Variants in BPI observed in about 807,000 individuals in gnomAD.
The protein encoded by BPI is bactericidal permeability-increasing protein.
A neutral mutation model predicts 57.6 loss-of-function variants in BPI; 48 were observed. The ratio of observed to expected loss-of-function variants is 0.83; its 90% CI spans 0.66 to 1.06. The LOEUF (loss-of-function observed/expected upper bound fraction) is 1.06, where lower values mean the gene tolerates loss of function less well. Ranked by LOEUF, BPI falls within the 50% of genes least tolerant of loss-of-function variation. The pLI is 0.00. For missense variants in BPI, 651 were observed against 609.7 expected, an observed-to-expected ratio of 1.07 and a Z score of -0.71; for synonymous variants, 237 against 238.2, an observed-to-expected ratio of 0.99 and a Z score of 0.05.
intron 6 of BPI, 62 bp from the exon 7 acceptor site, chr20:38,320,121 A>C (rs2122527464): frequency 7.3e-7 from 1 of 1,363,348 alleles, no homozygotes; most frequent in East Asian, 2.3e-5. Flanking sequence ...CTGATCCTGC[A>C]TTTCAGCTTC....
At chr20:38,335,382 C>T in intron 13 of BPI, 1 of 589,564 alleles carries the variant, frequency 1.7e-6, no homozygotes. Context: ...GGAGTCCACG[C>T]AGGTGCTAGA....
intron 11 of BPI, among the ~76,000 whole-genome samples, chr20:38,330,613 C>T (rs2076737492): frequency 6.6e-6 from 1 of 152,232 alleles, no homozygotes; most frequent in Admixed American, 6.5e-5. Flanking sequence ...TTGCTATCCT[C>T]TGTGCTGGCT....
chr20:38,307,583 G>A lies in BPI; in HGVS notation c.147G>A (p.Thr49=), dbSNP rs371134845. The A allele has an allele frequency of 1.3e-5, 21 of 1,604,862 alleles. No homozygotes were observed. The East Asian group carries it at 2.3e-4, about 17-fold the overall frequency. Reference sequence around the variant, plus strand: ...TCCCTTCAGCCAGCCAGCAGGGGACGGCCGCTCTGCAGAAGGAGCTGAAGA... The same window carrying A: ...TCCCTTCAGCCAGCCAGCAGGGGACAGCCGCTCTGCAGAAGGAGCTGAAGA... ...KGLDYASQQG[T]AALQKELKRI... is the part of the protein sequence containing the mutation. Residue 49 remains threonine, a synonymous_variant, in exon 2 of 15, where the codon ACG becomes ACA. Coordinates refer to ENST00000642449, the MANE Select transcript of BPI (RefSeq NM_001725.3).
In BPI at chr20:38,324,830, T is replaced by C. The variant is rs576163371; in HGVS notation, c.990T>C (p.Pro330=). The C allele has an allele frequency of 1.1e-4, 180 of 1,611,360 alleles. No homozygotes were observed. The highest frequency in any genetic ancestry group is 3.4e-4 in the South Asian group (31 of 91,030). Residue 330 remains proline, a synonymous_variant, in exon 9 of 15, where the codon CCT becomes CCC. Coordinates refer to ENST00000642449, the MANE Select transcript of BPI (RefSeq NM_001725.3). ...CCAAGTTCTTTGGAACCTTCCTACCTGAGGTATGGAAGACCTTGCTTTCCT... is the reference window on the plus strand; with the variant it reads ...CCAAGTTCTTTGGAACCTTCCTACCCGAGGTATGGAAGACCTTGCTTTCCT... The part of the protein sequence containing the change: ...LTTKFFGTFL[P]EVAKKFPNMK...
intron 5 of BPI, among the ~76,000 whole-genome samples, chr20:38,313,215 C>T (rs1277422839): frequency 2.0e-5 from 3 of 151,916 alleles, no homozygotes; most frequent in Non-Finnish European, 4.4e-5. Flanking sequence ...GAAATCCTGT[C>T]TTTACTAAAA....
chr20:38,325,342 A>G (rs1227105280), intron 9 of BPI, among the ~76,000 whole-genome samples: 1 of 152,186 alleles, frequency 6.6e-6, no homozygotes, highest in Non-Finnish European at 1.5e-5. Flanking sequence ...GGCATAAACA[A>G]CAGAATTTAT....
At chr20:38,307,300 C>T (rs2076601495) in intron 1 of BPI, among the ~76,000 whole-genome samples, 1 of 152,138 alleles carries the variant, frequency 6.6e-6, no homozygotes, top group African/African-American at 2.4e-5. Flanking sequence ...GGAATACAGG[C>T]ACATATAAGA....
Position 38,321,557 on chromosome 20 carries a change from G to A in BPI, c.756+1283G>A, listed in dbSNP as rs2122534137. On this transcript the variant is annotated intron_variant, in intron 7 of 14. Coordinates refer to ENST00000642449, the MANE Select transcript of BPI (RefSeq NM_001725.3). ...AGCCTTCCCTACCACCCCAGCAAGA[G>A]TGGGTCCCACTCTGAAATTCATCCT... 1.3e-5 allele frequency: 2 copies of A among 152,270 alleles called. 1 individual carries two copies. Among genetic ancestry groups the A allele is most frequent in the South Asian group, 4.1e-4 (2 of 4,826 alleles). The allele number at this position is 152,270 out of a possible 1,614,324, so 9.4% of individuals were successfully genotyped here.
intron 13 of BPI, 40 bp from the exon 14 acceptor site, chr20:38,335,558 T>G (rs776814809): frequency 6.3e-7 from 1 of 1,585,504 alleles, no homozygotes; most frequent in Non-Finnish European, 8.7e-7. Flanking sequence ...TGCCCTTCTC[T>G]TTCTTTTCTC....
rs141407114 is a variant in BPI at position 38,327,226 on chromosome 20, C to T, written c.1162-362C>T. Among the ~76,000 whole-genome samples the T allele has an allele frequency of 9.7e-3, 1,476 of 152,312 alleles. 11 individuals carry two copies. Among genetic ancestry groups the T allele is most frequent in the Non-Finnish European group, 0.015 (1,030 of 68,032 alleles). On this transcript the variant is annotated intron_variant, in intron 10 of 14. Transcript: ENST00000642449. ...TAGGTCCTAAGAGGTCATCCAAGAC[C>T]ACACAGACTGCACAGAACAGCTGAG...
chr20:38,322,598 G>A (rs963059965), intron 7 of BPI, among the ~76,000 whole-genome samples: 5 of 152,162 alleles, frequency 3.3e-5, no homozygotes, highest in Admixed American at 3.3e-4. Flanking sequence ...ATCCTAGTCA[G>A]TACATAGGTC....
intron 14 of BPI, among the ~76,000 whole-genome samples, chr20:38,336,513 A>G (rs1265030662): frequency 6.6e-6 from 1 of 151,906 alleles, no homozygotes; most frequent in Non-Finnish European, 1.5e-5. Flanking sequence ...CCCAGCTTGC[A>G]TTTCTCACCT....
intron 1 of BPI, among the ~76,000 whole-genome samples, chr20:38,307,054 C>G (rs1418416013): frequency 6.6e-6 from 1 of 151,836 alleles, no homozygotes; most frequent in African/African-American, 2.4e-5. Context: ...AAAAAGTTAG[C>G]CTGGTGTGGT....
chr20:38,317,587 C>T, intron 5 of BPI: 1 of 711,570 alleles, frequency 1.4e-6, no homozygotes, highest in Admixed American at 2.0e-5. Flanking sequence ...GACCTCACCT[C>T]TGAAGTTACA....
chr20:38,329,902 A>G (rs1007531161), intron 11 of BPI, among the ~76,000 whole-genome samples: 3 of 151,944 alleles, frequency 2.0e-5, no homozygotes, highest in African/African-American at 4.8e-5. Context: ...TAGTAGAGAC[A>G]TGGTTTCCCA....
At chr20:38,326,953 T>C (rs1044322409) in intron 10 of BPI, among the ~76,000 whole-genome samples, 10 of 152,262 alleles carry the variant, frequency 6.6e-5, no homozygotes, top group African/African-American at 2.4e-4. Flanking sequence ...TATTCATTCA[T>C]GCATATCTTT....
intron 10 of BPI, among the ~76,000 whole-genome samples, 186 bp from the exon 11 acceptor site, chr20:38,327,402 T>A (rs1028312061): frequency 6.6e-6 from 1 of 152,030 alleles, no homozygotes; most frequent in Non-Finnish European, 1.5e-5. Context: ...AAATGGAAAT[T>A]GACAGTTTAG....
rs766045088 is a variant in BPI, at chr20:38,331,078, T to C, written c.1260T>C (p.Ile420=). The change falls in exon 12 of 15, where the codon ATT becomes ATC. Residue 420 remains isoleucine, a synonymous_variant. Coordinates refer to ENST00000642449, the MANE Select transcript of BPI (RefSeq NM_001725.3). ...RLLLELKHSN[I]GPFPVELLQD... ...TCCTGGAACTGAAGCACTCAAATAT[T>C]GGCCCCTTCCCGGTGAGTCTGAGGC... 12 of 1,613,956 alleles carry C rather than the reference T, an allele frequency of 7.4e-6. No individual in the cohort carries two copies. The highest frequency in any genetic ancestry group is 1.7e-5 in the Admixed American group (1 of 59,998).
chr20:38,304,282 T>C lies in BPI; in HGVS notation c.59T>C (p.Ile20Thr). ...GCGTCCCTGATGGTGCTGGTCGCCATAGGCACCGCCGTGACAGCGGCCGTC... is the reference window on the plus strand; with the variant it reads ...GCGTCCCTGATGGTGCTGGTCGCCACAGGCACCGCCGTGACAGCGGCCGTC... ...RWASLMVLVA[I>T]GTAVTAAVNP... The change falls in exon 1 of 15, where the codon ATA becomes ACA. Residue 20 changes from isoleucine to threonine, a missense_variant. Physicochemically the swap from Ile to Thr is moderately conservative, Grantham distance 89. Coordinates refer to ENST00000642449, the MANE Select transcript of BPI (RefSeq NM_001725.3). The C allele has an allele frequency of 6.2e-7, 1 of 1,614,108 alleles. No individual in the cohort carries two copies. The highest frequency in any genetic ancestry group is 8.5e-7 in the Non-Finnish European group (1 of 1,180,006).
Sources: allele counts gnomAD v4.1 joint callset (sites outside exome capture counted in the v4.1 genomes callset), GRCh38; gene constraint gnomAD v4.1.1; transcripts MANE v1.5; gene names NCBI Gene and HGNC (gene_info 2026-07-23, HGNC 2026-07-21).